The following TENM2 variants were observed in gnomAD, a reference collection of about 807,000 sequenced individuals.
TENM2 encodes teneurin transmembrane protein 2, also known as teneurin-2.
In TENM2, 52 loss-of-function variants were observed where a neutral mutation model predicts 245.2. The ratio of observed to expected loss-of-function variants is 0.21; its 90% CI spans 0.17 to 0.27. The LOEUF (loss-of-function observed/expected upper bound fraction) is 0.27, where lower values mean the gene tolerates loss of function less well. Ranked by LOEUF, TENM2 falls within the 10% of genes least tolerant of loss-of-function variation. The pLI, the probability that TENM2 is intolerant of heterozygous loss-of-function variation, is 1.00. For synonymous variants in TENM2, 1,363 were observed against 1,438.9 expected (o/e 0.95, Z 1.19); for missense variants, 3,046 against 3,666.8 (o/e 0.83, Z 4.37).
chr5:167,178,961 A>C, the TENM2 span, among the ~76,000 whole-genome samples: 3 of 152,226 alleles, frequency 2.0e-5, no homozygotes, highest in Non-Finnish European at 2.9e-5. Flanking sequence ...TTTTCATTTC[A>C]GACTTTATGA....
the TENM2 span, among the ~76,000 whole-genome samples, chr5:167,234,259 C>T: frequency 1.3e-4 from 20 of 152,306 alleles, no homozygotes; most frequent in South Asian, 2.1e-4. Flanking sequence ...CTTTTTCTAA[C>T]GGAAGTCCTT....
Position 168,056,099 on chromosome 5 carries a change from G to A in TENM2, c.1310-5961G>A, listed in dbSNP as rs182731659. ...CCTGGAACAGCTGGCATGGCTCAGG[G>A]AAGCCCAGCTTCAAGTCCTTCTTCA... On this transcript the variant is annotated intron_variant, in intron 6 of 28. Transcript: ENST00000518659. Among the ~76,000 whole-genome samples, 229 of 152,312 alleles carry A rather than the reference G, an allele frequency of 1.5e-3. 2 individuals carry two copies. The highest frequency in any genetic ancestry group is 5.1e-3 in the African/African-American group (211 of 41,570).
At chr5:167,220,451 G>A in the TENM2 span, among the ~76,000 whole-genome samples, 1 of 152,200 alleles carries the variant, frequency 6.6e-6, no homozygotes, top group East Asian at 1.9e-4. Flanking sequence ...TATTTTATAA[G>A]CCAAAACAAG....
chr5:167,105,545 C>G, the TENM2 span, among the ~76,000 whole-genome samples: 2 of 152,044 alleles, frequency 1.3e-5, no homozygotes, highest in East Asian at 3.9e-4. Flanking sequence ...AGTGGACAAG[C>G]TGAAATCAAG....
At chr5:167,870,849 A>G (rs1772772070) in intron 2 of TENM2, among the ~76,000 whole-genome samples, 1 of 151,986 alleles carries the variant, frequency 6.6e-6, no homozygotes, top group African/African-American at 2.4e-5. Context: ...ATTGCTACAT[A>G]AATCACTTAT....
intron 1 of TENM2, among the ~76,000 whole-genome samples, chr5:167,310,713 A>G (rs931100652): frequency 1.3e-5 from 2 of 152,198 alleles, no homozygotes; most frequent in African/African-American, 4.8e-5. Flanking sequence ...AGAAAGAATT[A>G]ATTTTGTCTG....
intron 12 of TENM2, chr5:168,129,190 G>T (rs997824952): frequency 5.3e-5 from 8 of 152,190 alleles, no homozygotes; most frequent in African/African-American, 1.9e-4. Context: ...GACAACTTTG[G>T]TCTCAGCAGA....
chr5:168,094,946 G>A (rs1217490688), intron 8 of TENM2, among the ~76,000 whole-genome samples: 7 of 151,978 alleles, frequency 4.6e-5, no homozygotes, highest in East Asian at 3.9e-4. Flanking sequence ...CTGTGCATGC[G>A]AGGGATCTAG....
At chr5:168,190,214 A>G (rs971399026) in intron 13 of TENM2, 123 bp from the exon 16 acceptor site, 1 of 655,370 alleles carries the variant, frequency 1.5e-6, no homozygotes, top group Non-Finnish European at 2.6e-6. Flanking sequence ...GAAACCTGCC[A>G]CCTCAGGCCC....
chr5:167,738,620 C>A (rs1760965659), intron 2 of TENM2, among the ~76,000 whole-genome samples: 1 of 152,154 alleles, frequency 6.6e-6, no homozygotes, highest in African/African-American at 2.4e-5. Flanking sequence ...GAAAATTCCA[C>A]AAGCTGAGTG....
chr5:167,932,359 T>C (rs1474856075), intron 3 of TENM2, among the ~76,000 whole-genome samples: 1 of 152,178 alleles, frequency 6.6e-6, no homozygotes, highest in Non-Finnish European at 1.5e-5. Flanking sequence ...AGCTGTCTCA[T>C]TATTAATTAT....
intron 2 of TENM2, among the ~76,000 whole-genome samples, chr5:167,669,637 A>T (rs1021896632): frequency 6.6e-6 from 1 of 151,646 alleles, no homozygotes; most frequent in Non-Finnish European, 1.5e-5. Context: ...GTGACACATC[A>T]CACCTGCTGA....
chr5:167,411,573 A>AGTAT (rs1762908683), intron 2 of TENM2, among the ~76,000 whole-genome samples: 1 of 145,048 alleles, frequency 6.9e-6, no homozygotes. Flanking sequence ...TGTAGGTGAG[A>AGTAT]GTGTGTGTGT....
chr5:168,230,098 TGGTACTTGTGGTA>T, intron 25 of TENM2, among the ~76,000 whole-genome samples: 1 of 152,240 alleles, frequency 6.6e-6, no homozygotes, highest in African/African-American at 2.4e-5. Context: ...TCTTTAATAA[TGGTACTTGTGGTA>T]ATTAGCCCAA....
At chr5:167,987,332 CT>C (rs199696701) in intron 4 of TENM2, among the ~76,000 whole-genome samples, 600 of 142,696 alleles carry the variant, frequency 4.2e-3, no homozygotes, top group Middle Eastern at 7.1e-3. Context: ...TCTTCGCTTC[CT>C]TTTTTTTTTT....
rs969949954 is a variant in TENM2, at chr5:167,949,037, G to A, written c.713-3551G>A. On this transcript the variant is annotated intron_variant, in intron 3 of 28. Transcript: ENST00000518659. ...TGAAAAGTGATAAATGCAAAAAGGT[G>A]CTTGTGATCATTTGTTGTAGCAGAG... 3.3e-5 allele frequency: 5 copies of A among 152,194 alleles called. No individual in the cohort carries two copies. In the South Asian group the frequency reaches 1.0e-3, roughly 31 times the overall value. The allele number at this position is 152,194 out of a possible 1,614,324, so 9.4% of individuals were successfully genotyped here. A position where few individuals can be genotyped will look rare whatever the true frequency, so the allele number is the denominator to read the frequency against.
chr5:167,323,704 A>C (rs977462839), intron 1 of TENM2, among the ~76,000 whole-genome samples: 6 of 152,228 alleles, frequency 3.9e-5, no homozygotes, highest in African/African-American at 1.4e-4. Context: ...TTAAAATTTC[A>C]TAAAAATATA....
Position 167,752,977 on chromosome 5 carries a change from A to T in TENM2, c.503-123009A>T, listed in dbSNP as rs567883025. 3.3e-5 allele frequency among the ~76,000 whole-genome samples: 5 copies of T among 152,240 alleles called. No individual in the cohort carries two copies. In the East Asian group the frequency reaches 9.7e-4, roughly 29 times the overall value. ...AATTCCTCTAAGTATCTAGAAACAC[A>T]TTTTTTAGCCAAGGGGATGGTTGGC... On this transcript the variant is annotated intron_variant, in intron 2 of 28. Coordinates refer to ENST00000518659, the Ensembl canonical transcript of TENM2.
intron 7 of TENM2, among the ~76,000 whole-genome samples, chr5:168,068,561 T>G (rs1412219834): frequency 2.0e-5 from 3 of 152,110 alleles, no homozygotes; most frequent in African/African-American, 7.2e-5. Flanking sequence ...TATAAATATA[T>G]ATGTGTGGAT....
Sources: allele counts gnomAD v4.1 joint callset (sites outside exome capture counted in the v4.1 genomes callset), GRCh38; gene constraint gnomAD v4.1.1; transcripts MANE v1.5; gene names NCBI Gene and HGNC (gene_info 2026-07-23, HGNC 2026-07-21).